Variants in ITGBL1 observed in about 807,000 individuals in gnomAD.
ITGBL1 encodes the protein integrin beta-like protein 1.
Under a neutral mutation model 68.5 loss-of-function variants are expected in ITGBL1, and 51 were observed. That is an observed-to-expected ratio of 0.74 (90% CI 0.59 to 0.94). The LOEUF is 0.94. ITGBL1 is among the 40% of genes least tolerant of loss of function. The pLI, the probability that ITGBL1 is intolerant of heterozygous loss-of-function variation, is 0.00. For missense variants in ITGBL1, 649 were observed against 647.4 expected (o/e 1.00, Z -0.03); for synonymous variants, 209 against 227.3 (o/e 0.92, Z 0.72).
At chr13:101,518,234 A>G (rs1258358407) in intron 2 of ITGBL1, among the ~76,000 whole-genome samples, 5 of 152,182 alleles carry the variant, frequency 3.3e-5, no homozygotes, top group Admixed American at 3.3e-4. Context: ...GAACCATAAA[A>G]TCATGCATTT....
chr13:101,703,216 A>G (rs748126509), intron 8 of ITGBL1, among the ~76,000 whole-genome samples: 1 of 152,112 alleles, frequency 6.6e-6, no homozygotes, highest in Non-Finnish European at 1.5e-5. Flanking sequence ...CAGAGGAGAG[A>G]CAATGAGTCT....
intron 8 of ITGBL1, among the ~76,000 whole-genome samples, chr13:101,695,165 A>G (rs948572212): frequency 6.6e-6 from 1 of 152,226 alleles, no homozygotes; most frequent in South Asian, 2.1e-4. Context: ...TAATGCCTTC[A>G]TATCTGGATA....
intron 7 of ITGBL1, among the ~76,000 whole-genome samples, chr13:101,605,838 G>T (rs1055607595): frequency 2.0e-5 from 3 of 149,236 alleles, no homozygotes; most frequent in African/African-American, 7.4e-5. Context: ...GTATATATAT[G>T]CATATACATA....
chr13:101,571,001 A>T (rs2050262840), intron 3 of ITGBL1, among the ~76,000 whole-genome samples: 1 of 152,152 alleles, frequency 6.6e-6, no homozygotes, highest in South Asian at 2.1e-4. Flanking sequence ...ACACAAATAC[A>T]TATACACATA....
At chr13:101,633,590 C>T (rs746548920) in intron 7 of ITGBL1, among the ~76,000 whole-genome samples, 23 of 152,128 alleles carry the variant, frequency 1.5e-4, no homozygotes, top group Admixed American at 4.6e-4. Context: ...TGAGAGCCTC[C>T]CGTGGCTTCT....
chr13:101,680,151 G>A (rs901096477), intron 7 of ITGBL1, among the ~76,000 whole-genome samples: 2 of 152,068 alleles, frequency 1.3e-5, no homozygotes, highest in South Asian at 2.1e-4. Flanking sequence ...TACTGTATTC[G>A]CACAAAAATA....
intron 2 of ITGBL1, among the ~76,000 whole-genome samples, chr13:101,481,979 A>G (rs1036226533): frequency 6.6e-6 from 1 of 152,078 alleles, no homozygotes; most frequent in Non-Finnish European, 1.5e-5. Context: ...AGAAGGCAAT[A>G]TTTGGGAGGC....
intron 2 of ITGBL1, among the ~76,000 whole-genome samples, chr13:101,546,734 A>G (rs926082786): frequency 6.6e-6 from 1 of 152,106 alleles, no homozygotes; most frequent in Non-Finnish European, 1.5e-5. Context: ...AGCAACTTTT[A>G]TCTAGCAAGC....
chr13:101,548,230 A>G (rs79098815), intron 2 of ITGBL1, among the ~76,000 whole-genome samples: 1,939 of 151,878 alleles, frequency 0.013, 14 homozygotes, highest in Non-Finnish European at 0.018. Flanking sequence ...ACTATACCAA[A>G]CTCACTGGAT....
intron 2 of ITGBL1, among the ~76,000 whole-genome samples, chr13:101,509,052 T>A (rs148736332): frequency 6.6e-6 from 1 of 152,116 alleles, no homozygotes; most frequent in Non-Finnish European, 1.5e-5. Flanking sequence ...ATGCTGCTGA[T>A]AAAGACATAC....
intron 2 of ITGBL1, among the ~76,000 whole-genome samples, chr13:101,504,816 T>G (rs1427514867): frequency 6.6e-6 from 1 of 152,190 alleles, no homozygotes; most frequent in Non-Finnish European, 1.5e-5. Context: ...TGCCTGTGTT[T>G]TAGGGGGAAA....
At chr13:101,598,898 G>A (rs984206636) in intron 7 of ITGBL1, among the ~76,000 whole-genome samples, 11 of 152,060 alleles carry the variant, frequency 7.2e-5, no homozygotes, top group East Asian at 5.8e-4. Flanking sequence ...ATAAACATAC[G>A]TGTGCATGTG....
intron 7 of ITGBL1, among the ~76,000 whole-genome samples, chr13:101,628,131 G>A (rs2390632): frequency 0.56 from 84,866 of 152,046 alleles, 25,219 homozygotes; most frequent in East Asian, 0.68. Context: ...TTCTGGATTT[G>A]AGCCATTCTA....
chr13:101,674,604 AT>A (rs879725232), intron 7 of ITGBL1, among the ~76,000 whole-genome samples: 22 of 151,494 alleles, frequency 1.5e-4, no homozygotes, highest in Non-Finnish European at 2.2e-4. Context: ...TGTTGAGATA[AT>A]TTTTTTTTCT....
At chr13:101,526,735 G>C (rs1005913585) in intron 2 of ITGBL1, among the ~76,000 whole-genome samples, 1 of 147,218 alleles carries the variant, frequency 6.8e-6, no homozygotes, top group African/African-American at 2.6e-5. Context: ...TTAAACACTA[G>C]TTAGCATTTT....
intron 2 of ITGBL1, among the ~76,000 whole-genome samples, chr13:101,560,630 A>G (rs551828958): frequency 2.6e-5 from 4 of 152,372 alleles, no homozygotes; most frequent in South Asian, 4.1e-4. Flanking sequence ...TAATTTATAT[A>G]TGAACAAAAA....
intron 2 of ITGBL1, among the ~76,000 whole-genome samples, chr13:101,564,507 T>A (rs1448516006): frequency 4.0e-5 from 6 of 151,286 alleles, no homozygotes; most frequent in Non-Finnish European, 5.9e-5. Context: ...TATATGTATA[T>A]ACAACAATTT....
chr13:101,574,495 T>C (rs1028418356), intron 3 of ITGBL1, among the ~76,000 whole-genome samples: 6 of 152,148 alleles, frequency 3.9e-5, no homozygotes, highest in African/African-American at 1.2e-4. Flanking sequence ...ACATTGGTTT[T>C]TGCTCATATA....
intron 7 of ITGBL1, among the ~76,000 whole-genome samples, chr13:101,689,929 T>C (rs748068665): frequency 1.3e-5 from 2 of 152,232 alleles, no homozygotes; most frequent in Non-Finnish European, 2.9e-5. Context: ...GTCATCCTAT[T>C]GTGCTACCAA....
Sources: gnomAD v4.1 joint callset for allele counts (sites outside exome capture counted in the v4.1 genomes callset) on GRCh38, gnomAD v4.1.1 for gene constraint, MANE v1.5 for transcripts, NCBI Gene and HGNC (gene_info 2026-07-23, HGNC 2026-07-21) for gene names.